The following ADAMTS14 variants were observed in gnomAD, a reference collection of about 807,000 sequenced individuals.
ADAMTS14 encodes the protein A disintegrin and metalloproteinase with thrombospondin motifs 14.
ADAMTS14 carries 100 observed loss-of-function variants against 128.6 expected under a neutral mutation model. The observed-to-expected ratio is 0.78, with a 90% confidence interval of 0.66 to 0.92. The LOEUF (loss-of-function observed/expected upper bound fraction) is 0.92, where lower values mean the gene tolerates loss of function less well. ADAMTS14 is among the 40% of genes least tolerant of loss of function. The pLI is 0.00. For missense variants in ADAMTS14, 1,562 were observed against 1,658.6 expected, an observed-to-expected ratio of 0.94 and a Z score of 1.01; for synonymous variants, 665 against 653.8, an observed-to-expected ratio of 1.02 and a Z score of -0.26.
intron 9 of ADAMTS14, among the ~76,000 whole-genome samples, chr10:70,735,618 G>A (rs1841801069): frequency 6.6e-6 from 1 of 152,206 alleles, no homozygotes; most frequent in Middle Eastern, 3.2e-3. Context: ...GCTCTGGCCT[G>A]GTGGAGCAGC....
At chr10:70,714,021 T>C (rs1179280731) in intron 4 of ADAMTS14, among the ~76,000 whole-genome samples, 1 of 152,082 alleles carries the variant, frequency 6.6e-6, no homozygotes, top group African/African-American at 2.4e-5. Context: ...CAAGTCCCCA[T>C]TTCTACAAAA....
chr10:70,748,832 G>A (rs1354538447), intron 15 of ADAMTS14, among the ~76,000 whole-genome samples: 1 of 152,208 alleles, frequency 6.6e-6, no homozygotes. Context: ...CAAGGCTCTG[G>A]AGCCTTTGCC....
At chr10:70,711,969 G>A (rs1337553277) in intron 4 of ADAMTS14, among the ~76,000 whole-genome samples, 1 of 152,124 alleles carries the variant, frequency 6.6e-6, no homozygotes, top group African/African-American at 2.4e-5. Flanking sequence ...GCCCCTGTGT[G>A]TGGACACTTC....
At chr10:70,677,154 A>C (rs1839668377) in intron 2 of ADAMTS14, among the ~76,000 whole-genome samples, 1 of 152,224 alleles carries the variant, frequency 6.6e-6, no homozygotes, top group South Asian at 2.1e-4. Context: ...AGGGCCCTGA[A>C]GGACCCTGAG....
chr10:70,759,014 C>T (rs1189627122), intron 21 of ADAMTS14, among the ~76,000 whole-genome samples: 2 of 152,148 alleles, frequency 1.3e-5, no homozygotes, highest in African/African-American at 2.4e-5. Context: ...ACCCTAACTC[C>T]TAGTTAGAGG....
chr10:70,744,815 G>A (rs770675548), intron 14 of ADAMTS14, among the ~76,000 whole-genome samples: 10 of 152,250 alleles, frequency 6.6e-5, no homozygotes, highest in South Asian at 2.1e-4. Context: ...GGGCCAGGGC[G>A]GCTCAGGACA....
At chr10:70,716,743 G>T (rs1158179276) in intron 4 of ADAMTS14, among the ~76,000 whole-genome samples, 1 of 152,182 alleles carries the variant, frequency 6.6e-6, no homozygotes, top group African/African-American at 2.4e-5. Context: ...GAGGAGATCT[G>T]GTTCCTGGGA....
intron 10 of ADAMTS14, among the ~76,000 whole-genome samples, chr10:70,737,417 C>T (rs758537403): frequency 1.8e-4 from 27 of 152,186 alleles, no homozygotes; most frequent in Admixed American, 9.8e-4. Flanking sequence ...TTTTCTGACT[C>T]GCCAACACCT....
chr10:70,719,169 T>A (rs1422051977), intron 4 of ADAMTS14, among the ~76,000 whole-genome samples: 1 of 152,068 alleles, frequency 6.6e-6, no homozygotes, highest in Non-Finnish European at 1.5e-5. Context: ...CATCAAATTG[T>A]CCACTGAGAC....
At chr10:70,725,943 T>G (rs980271474) in intron 4 of ADAMTS14, among the ~76,000 whole-genome samples, 2 of 151,856 alleles carry the variant, frequency 1.3e-5, no homozygotes, top group Non-Finnish European at 2.9e-5. Flanking sequence ...AGACGCTGTT[T>G]CCCTTTTCTC....
At chr10:70,736,816 G>C (rs767661190) in intron 10 of ADAMTS14, 23 bp downstream of exon 10, 1 of 1,608,594 alleles carries the variant, frequency 6.2e-7, no homozygotes, top group South Asian at 1.1e-5. Context: ...TGTGCAGCAG[G>C]AGTGGCCTTC....
chr10:70,729,475 A>G, intron 5 of ADAMTS14, 98 bp downstream of exon 5: 1 of 1,026,694 alleles, frequency 9.7e-7, no homozygotes, highest in South Asian at 1.3e-5. Flanking sequence ...GTAAGCATCC[A>G]GGAATCTGTT....
rs558796684 is a variant in ADAMTS14 at position 70,733,979 on chromosome 10, C to T, written c.1303C>T (p.Arg435Cys). 1.4e-5 allele frequency: 22 copies of T among 1,613,876 alleles called. No homozygotes were observed. The highest frequency in any genetic ancestry group is 8.3e-5 in the Admixed American group (5 of 60,018). ...MAPLVQAAFH[R>C]FHWSRCSKLE... ...GCCCCTGGTGCAGGCTGCCTTCCAC[C>T]GCTTCCATTGGTCCCGCTGCAGCAA... is the stretch of plus-strand genomic sequence containing the variant. The change falls in exon 8 of 22, where the codon CGC becomes TGC. Residue 435 changes from arginine to cysteine, a missense_variant. By Grantham distance (180) the Arg-to-Cys change is radical. Transcript: ENST00000373207.
chr10:70,740,837 C>A, intron 11 of ADAMTS14, 150 bp from the exon 12 acceptor site: 1 of 795,680 alleles, frequency 1.3e-6, no homozygotes, highest in Admixed American at 2.6e-5. Context: ...ACAGCCCCCA[C>A]CCTGGGAGCC....
chr10:70,743,821 G>A, intron 13 of ADAMTS14, 140 bp downstream of exon 13: 4 of 1,313,894 alleles, frequency 3.0e-6, no homozygotes, highest in East Asian at 2.6e-5. Flanking sequence ...TAGCCCTGGG[G>A]TGCTGGAAGG....
intron 16 of ADAMTS14, 133 bp downstream of exon 16, chr10:70,750,118 A>C: frequency 8.5e-7 from 1 of 1,173,832 alleles, no homozygotes; most frequent in Non-Finnish European, 1.2e-6. Flanking sequence ...GGCACCTTCC[A>C]TCCTGGGATT....
chr10:70,743,487 C>T, intron 12 of ADAMTS14, 61 bp from the exon 13 acceptor site: 4 of 1,544,012 alleles, frequency 2.6e-6, no homozygotes, highest in African/African-American at 1.4e-5. Flanking sequence ...ACATACTGAT[C>T]TGTCCTGGGC....
intron 3 of ADAMTS14, among the ~76,000 whole-genome samples, chr10:70,702,923 C>T (rs1840542332): frequency 6.6e-6 from 1 of 152,164 alleles, no homozygotes; most frequent in Admixed American, 6.5e-5. Flanking sequence ...ACAACCCTAC[C>T]TTCAAGTCTG....
At chr10:70,739,304 C>T (rs1029518020) in intron 11 of ADAMTS14, among the ~76,000 whole-genome samples, 9 of 152,174 alleles carry the variant, frequency 5.9e-5, no homozygotes, top group Non-Finnish European at 8.8e-5. Flanking sequence ...GACCCCGACC[C>T]TCTGGCTAAA....
Sources: allele counts gnomAD v4.1 joint callset (sites outside exome capture counted in the v4.1 genomes callset), GRCh38; gene constraint gnomAD v4.1.1; transcripts MANE v1.5; gene names NCBI Gene and HGNC (gene_info 2026-07-23, HGNC 2026-07-21).